Variants in TCHH observed in about 807,000 individuals in gnomAD.
TCHH encodes the protein trichohyalin.
A neutral mutation model predicts 6.3 loss-of-function variants in TCHH; 6 were observed. That is an observed-to-expected ratio of 0.95 (90% CI 0.52 to 1.88). The LOEUF is 1.88. Among genes scored for constraint, TCHH ranks in the 40% most tolerant of loss-of-function variants. The pLI, the probability that TCHH is intolerant of heterozygous loss-of-function variation, is 0.01. For missense variants in TCHH, 2,920 were observed against 2,449.1 expected (o/e 1.19, Z -4.06); for synonymous variants, 1,087 against 963.6 (o/e 1.13, Z -2.37).
At chr1:152,113,130 A>G (rs1273448538) in intron 2 of TCHH, 52 bp from the exon 3 acceptor site, 1 of 1,468,080 alleles carries the variant, frequency 6.8e-7, no homozygotes, top group African/African-American at 1.4e-5. Flanking sequence ...TACAGGTGGT[A>G]AAATTATATT....
Position 152,107,653 on chromosome 1 carries a change from T to C in TCHH, c.5564A>G (p.Glu1855Gly), listed in dbSNP as rs144466953. The C allele has an allele frequency of 6.2e-6, 10 of 1,613,988 alleles. No homozygotes were observed. The highest frequency in any genetic ancestry group is 8.5e-6 in the Non-Finnish European group (10 of 1,179,926). ...YRAEEQFATQEKSRREEQELW... is the reference protein window; with the variant it reads ...YRAEEQFATQGKSRREEQELW... ...TTCTTGTTCCTCACGACGACTCTTC[T>C]CCTGCGTGGCAAACTGCTCCTCCGC... The change falls in exon 3 of 3, where the codon GAG (glutamate) becomes GGG (glycine). Residue 1855 changes from glutamate to glycine, a missense_variant. Glu to Gly is a moderately conservative substitution (Grantham distance 98). Transcript: ENST00000614923.
At position 152,108,704 on chromosome 1, in the gene TCHH, C is replaced by T. The variant is rs756544927; in HGVS notation, c.4513G>A (p.Glu1505Lys). Reference protein sequence around the residue: ...RRQERDRKFREQELRSQEPER... With the variant: ...RRQERDRKFRKQELRSQEPER... ...GGTTCCTGACTGCGCAGTTCCTGTT[C>T]GCGGAATTTTCTGTCACGCTCTTGG... The change falls in exon 3 of 3, where the codon GAA (glutamate) becomes AAA (lysine). Residue 1505 changes from glutamate (E) to lysine (K), a missense_variant. Glu to Lys is a moderately conservative substitution (Grantham distance 56). Coordinates refer to ENST00000614923, the MANE Select transcript of TCHH (RefSeq NM_007113.4). 8 of 1,607,612 alleles carry T rather than the reference C, an allele frequency of 5.0e-6. No homozygotes were observed. Among genetic ancestry groups the T allele is most frequent in the South Asian group, 2.2e-5 (2 of 90,556 alleles).
At position 152,115,417 on chromosome 1, in the gene TCHH, A is replaced by G. The variant is rs1235721881; in HGVS notation, c.-58T>C. ...CACTTCACCAGAGGAAGAAGTCGAC[A>G]GTGCTTGCTGACACCACAGGCAAGT... On this transcript the variant is annotated 5_prime_UTR_variant, in exon 1 of 3. Coordinates refer to ENST00000614923, the MANE Select transcript of TCHH (RefSeq NM_007113.4). 1 of 152,280 alleles carries G rather than the reference A, an allele frequency of 6.6e-6. No individual in the cohort carries two copies. The highest frequency in any genetic ancestry group is 1.5e-5 in the Non-Finnish European group (1 of 68,056). 9.4% of individuals were successfully genotyped at this position (152,280 alleles called of 1,614,324 possible). A position where few individuals can be genotyped will look rare whatever the true frequency, so the allele number is the denominator to read the frequency against.
Position 152,108,481 on chromosome 1 carries a change from C to G in TCHH, c.4736G>C (p.Arg1579Thr). 1 of 1,612,942 alleles carries G rather than the reference C, an allele frequency of 6.2e-7. No homozygotes were observed. Among genetic ancestry groups the G allele is most frequent in the South Asian group, 1.1e-5 (1 of 90,786 alleles). ...TTTCTGTTCCTCTAAACGGAATTTT[C>G]TGTCACGCTCTTGGCGGCTCAGCTG... Reference protein sequence around the residue: ...EQQLSRQERDRKFRLEEQKVR... With the variant: ...EQQLSRQERDTKFRLEEQKVR... Residue 1579 changes from arginine to threonine, a missense_variant, in exon 3 of 3, where the codon AGA becomes ACA. By Grantham distance (71) the Arg-to-Thr change is moderately conservative. Transcript: ENST00000614923.
rs114824000 is a variant in TCHH at position 152,111,160 on chromosome 1, G to C, written c.2057C>G (p.Ala686Gly). The change falls in exon 3 of 3, where the codon GCT becomes GGT. Residue 686 changes from alanine to glycine, a missense_variant. Physicochemically the swap from Ala to Gly is moderately conservative, Grantham distance 60. Coordinates refer to ENST00000614923, the MANE Select transcript of TCHH (RefSeq NM_007113.4). ...HEEERREQEL[A>G]EEEQEQARER... ...CCGGGCCTGTTCCTGCTCCTCCTCAGCTAGCTCCTGCTCGCGCCTCTCTTC... is the reference window on the plus strand; with the variant it reads ...CCGGGCCTGTTCCTGCTCCTCCTCACCTAGCTCCTGCTCGCGCCTCTCTTC... 1,371 of 1,613,698 alleles carry C rather than the reference G, an allele frequency of 8.5e-4. 10 individuals are homozygous for C. In the African/African-American group the frequency reaches 0.016, roughly 19 times the overall value.
Position 152,112,347 on chromosome 1 carries a change from G to T in TCHH, c.870C>A (p.Arg290=), listed in dbSNP as rs754495919. ...KLERQELRRE[R]QEEEQQQQRL... ...TTTGCTGCTGCTGCTCTTCCTCCTG[G>T]CGCTCCCTCCTCAGCTCTTGCCGCT... is the stretch of plus-strand genomic sequence containing the variant. The change falls in exon 3 of 3, where the codon CGC becomes CGA. Residue 290 remains arginine (R), a synonymous_variant. Transcript: ENST00000614923. The T allele has an allele frequency of 6.2e-7, 1 of 1,612,854 alleles. No homozygotes were observed. Among genetic ancestry groups the T allele is most frequent in the Non-Finnish European group, 8.5e-7 (1 of 1,179,896 alleles).
chr1:152,109,629 C>T lies in TCHH; in HGVS notation c.3588G>A (p.Glu1196=). Residue 1196 remains glutamate, a synonymous_variant, in exon 3 of 3, where the codon GAG becomes GAA. Transcript: ENST00000614923. ...EEQEKRRQER[E]RQYREEEELQ... is the part of the protein sequence containing the mutation. ...GCTCTTCCTCCTCCCGATACTGCCT[C>T]TCCCGCTCCTGGCGCCTTTTCTCCT... The T allele has an allele frequency of 1.2e-6, 2 of 1,614,160 alleles. No homozygotes were observed. Among genetic ancestry groups the T allele is most frequent in the South Asian group, 1.1e-5 (1 of 91,072 alleles).
rs191137543 is a variant in TCHH at position 152,112,777 on chromosome 1, T to G, written c.440A>C (p.Glu147Ala). Residue 147 changes from glutamate (E) to alanine (A), a missense_variant, in exon 3 of 3, where the codon GAG (glutamate) becomes GCG (alanine). Coordinates refer to ENST00000614923, the MANE Select transcript of TCHH (RefSeq NM_007113.4). The stretch of plus-strand genomic sequence containing the variant: ...ACTTTGCTCCTCTCCCTCAGCTAGC[T>G]CCCTCTCCTGTTCCTGCCTCTTCTG... Reference protein sequence around the residue: ...RRQKRQEQERELAEGEEQSEK... With the variant: ...RRQKRQEQERALAEGEEQSEK... 1.9e-4 allele frequency: 304 copies of G among 1,613,964 alleles called. No homozygotes were observed. The East Asian group carries it at 6.5e-3, about 34-fold the overall frequency.
At position 152,109,743 on chromosome 1, in the gene TCHH, C is replaced by G. The variant is rs368670364; in HGVS notation, c.3474G>C (p.Pro1158=). ...QEEEQLLREE[P]EKRRRQELER... is the part of the protein sequence containing the mutation. ...CCAGCTCCTGGCGCCTTCTCTTCTC[C>G]GGTTCCTCTCTCAGCAGCTGCTCTT... The change falls in exon 3 of 3, where the codon CCG becomes CCC. Residue 1158 remains proline, a synonymous_variant. Transcript: ENST00000614923. The G allele has an allele frequency of 6.2e-7, 1 of 1,606,562 alleles. No individual in the cohort carries two copies.
chr1:152,110,586 T>G lies in TCHH; in HGVS notation c.2631A>C (p.Gln877His). ...GGCGTCTCTTCCTTTCTTCTTCTAGTTGCCACCTCCATTTTTGGTCGCGGC... is the reference window on the plus strand; with the variant it reads ...GGCGTCTCTTCCTTTCTTCTTCTAGGTGCCACCTCCATTTTTGGTCGCGGC... ...EQRRDQKWRW[Q>H]LEEERKRRRH... The change falls in exon 3 of 3, where the codon CAA becomes CAC. Residue 877 changes from glutamine to histidine, a missense_variant. Physicochemically the swap from Gln to His is conservative, Grantham distance 24. Transcript: ENST00000614923. 6.2e-7 allele frequency: 1 copy of G among 1,614,122 alleles called. No individual in the cohort carries two copies. The highest frequency in any genetic ancestry group is 8.5e-7 in the Non-Finnish European group (1 of 1,180,016).
In TCHH at chr1:152,112,091, G is replaced by T. The variant is rs1243268380; in HGVS notation, c.1126C>A (p.Gln376Lys). ...REQEEERREQQLRREQQLRRE... is the reference protein window; with the variant it reads ...REQEEERREQKLRREQQLRRE... ...CTCAGCTGCTGCTCGCGCCTCAGCT[G>T]CTGCTCGCGCCTCTCCTCCTCCTGC... The change falls in exon 3 of 3, where the codon CAG (glutamine) becomes AAG (lysine). Residue 376 changes from glutamine to lysine, a missense_variant. Transcript: ENST00000614923. The T allele has an allele frequency of 6.5e-7, 1 of 1,540,380 alleles. No homozygotes were observed. The highest frequency in any genetic ancestry group is 8.6e-7 in the Non-Finnish European group (1 of 1,156,688).
rs367880394 is a variant in TCHH, at chr1:152,109,820, G to A, written c.3397C>T (p.Arg1133Cys). ...LLREEREKRR[R>C]QELERQYREE... The stretch of plus-strand genomic sequence containing the variant: ...CGATATTGCCTCTCCAGCTCCTGGC[G>A]CCTTCTCTTCTCCCGTTCCTCTCTC... The change falls in exon 3 of 3, where the codon CGC becomes TGC. Residue 1133 changes from arginine (R) to cysteine (C), a missense_variant. Physicochemically the swap from Arg to Cys is radical, Grantham distance 180. Transcript: ENST00000614923. 3.8e-5 allele frequency: 61 copies of A among 1,607,830 alleles called. No individual in the cohort carries two copies. The highest frequency in any genetic ancestry group is 2.2e-4 in the East Asian group (10 of 44,526).
rs745714858 is a variant in TCHH, at chr1:152,108,371, C to T, written c.4846G>A (p.Glu1616Lys). Residue 1616 changes from glutamate to lysine, a missense_variant, in exon 3 of 3, where the codon GAG becomes AAG. Coordinates refer to ENST00000614923, the MANE Select transcript of TCHH (RefSeq NM_007113.4). The part of the protein sequence containing the change: ...RQEGQQQLRQ[E>K]RDRKFREDEQ... Reference sequence around the variant, plus strand: ...TCTTCGCGGAATTTTCTGTCGCGCTCCTGGCGCAGCTGTTGTTGGCCCTCC... The same window carrying T: ...TCTTCGCGGAATTTTCTGTCGCGCTTCTGGCGCAGCTGTTGTTGGCCCTCC... 1.9e-6 allele frequency: 3 copies of T among 1,612,614 alleles called. No homozygotes were observed. Among genetic ancestry groups the T allele is most frequent in the Non-Finnish European group, 2.5e-6 (3 of 1,179,338 alleles).
In TCHH at chr1:152,107,706, C is replaced by A; in HGVS notation, c.5511G>T (p.Leu1837=). The A allele has an allele frequency of 1.2e-6, 2 of 1,613,348 alleles. No individual in the cohort carries two copies. Among genetic ancestry groups the A allele is most frequent in the Non-Finnish European group, 1.7e-6 (2 of 1,180,054 alleles). ...QLQLEEQEQR[L]RQERDRQYRA... ...GGTACTGCCGGTCTCGCTCCTGCCGCAGCCTCTGCTCTTGTTCCTCAAGTT... is the reference window on the plus strand; with the variant it reads ...GGTACTGCCGGTCTCGCTCCTGCCGAAGCCTCTGCTCTTGTTCCTCAAGTT... Residue 1837 remains leucine, a synonymous_variant, in exon 3 of 3, where the codon CTG becomes CTT. Coordinates refer to ENST00000614923, the MANE Select transcript of TCHH (RefSeq NM_007113.4).
rs1321336544 is a variant in TCHH, at chr1:152,106,500, T to C, written c.*885A>G. 1 of 152,172 alleles carries C rather than the reference T, an allele frequency of 6.6e-6. No homozygotes were observed. Among genetic ancestry groups the C allele is most frequent in the African/African-American group, 2.4e-5 (1 of 41,426 alleles). The allele number at this position is 152,172 out of a possible 1,614,324, so 9.4% of individuals were successfully genotyped here. On this transcript the variant is annotated 3_prime_UTR_variant, in exon 3 of 3. Transcript: ENST00000614923. ...TACACCCCCAACATGCTCTATGTGA[T>C]CTCTTATTGGCCCTAGAGTAAGACA...
At chr1:152,114,493 A>G (rs1658463439) in intron 1 of TCHH, among the ~76,000 whole-genome samples, 2 of 152,230 alleles carry the variant, frequency 1.3e-5, no homozygotes, top group Non-Finnish European at 1.5e-5. Context: ...AGCGAAGAGG[A>G]CAGGTAAAAG....
chr1:152,107,919 G>C lies in TCHH; in HGVS notation c.5298C>G (p.Arg1766=), dbSNP rs767392820. 1 of 1,613,840 alleles carries C rather than the reference G, an allele frequency of 6.2e-7. No homozygotes were observed. The highest frequency in any genetic ancestry group is 1.1e-5 in the South Asian group (1 of 91,064). The part of the protein sequence containing the change: ...RPEREEQQLR[R]QERDRKFREE... The stretch of plus-strand genomic sequence containing the variant: ...CGCGGAATTTTCTGTCGCGCTCCTG[G>C]CGGCGCAGCTGCTGTTCTTCCCTTT... Residue 1766 remains arginine (R), a synonymous_variant, in exon 3 of 3, where the codon CGC becomes CGG. Transcript: ENST00000614923.
In TCHH at chr1:152,109,671, C is replaced by T. The variant is rs1195142710; in HGVS notation, c.3546G>A (p.Gln1182=). ...TTTTCTCCTGTTCCTCTCTCAGCAGCTGCTCTTCCTCCTGCTGCAGCTCCT... is the reference window on the plus strand; with the variant it reads ...TTTTCTCCTGTTCCTCTCTCAGCAGTTGCTCTTCCTCCTGCTGCAGCTCCT... The part of the protein sequence containing the change: ...EEEELQQEEE[Q]LLREEQEKRR... The change falls in exon 3 of 3, where the codon CAG becomes CAA. Residue 1182 remains glutamine (Q), a synonymous_variant. Coordinates refer to ENST00000614923, the MANE Select transcript of TCHH (RefSeq NM_007113.4). The T allele has an allele frequency of 1.4e-5, 23 of 1,608,942 alleles. No homozygotes were observed. The highest frequency in any genetic ancestry group is 1.9e-5 in the Non-Finnish European group (22 of 1,177,134).
chr1:152,111,149 G>T lies in TCHH; in HGVS notation c.2068C>A (p.Gln690Lys). The change falls in exon 3 of 3, where the codon CAG becomes AAG. Residue 690 changes from glutamine (Q) to lysine (K), a missense_variant. Transcript: ENST00000614923. ...TTAATCCGCTCCCGGGCCTGTTCCT[G>T]CTCCTCCTCAGCTAGCTCCTGCTCG... is the stretch of plus-strand genomic sequence containing the variant. The part of the protein sequence containing the change: ...RREQELAEEE[Q>K]EQARERIKSR... 1.9e-6 allele frequency: 3 copies of T among 1,613,766 alleles called. No homozygotes were observed. Among genetic ancestry groups the T allele is most frequent in the South Asian group, 1.1e-5 (1 of 91,084 alleles).
Sources: allele counts gnomAD v4.1 joint callset (sites outside exome capture counted in the v4.1 genomes callset), GRCh38; gene constraint gnomAD v4.1.1; transcripts MANE v1.5; gene names NCBI Gene and HGNC (gene_info 2026-07-23, HGNC 2026-07-21).